PALLD: variants seen among roughly 807,000 people sequenced by gnomAD.
The protein encoded by PALLD is palladin.
Under a neutral mutation model 123.5 loss-of-function variants are expected in PALLD, and 61 were observed. That is an observed-to-expected ratio of 0.49 (90% CI 0.40 to 0.61). PALLD has a LOEUF of 0.61. Ranked by LOEUF, PALLD falls within the 20% of genes least tolerant of loss-of-function variation. The pLI, the probability that PALLD is intolerant of heterozygous loss-of-function variation, is 0.00. For missense variants in PALLD, 1,273 were observed against 1,377.0 expected, an observed-to-expected ratio of 0.92 and a Z score of 1.20; for synonymous variants, 465 against 496.4, an observed-to-expected ratio of 0.94 and a Z score of 0.84.
At chr4:168,616,088 G>C (rs1012330621) in intron 2 of PALLD, among the ~76,000 whole-genome samples, 2 of 151,870 alleles carry the variant, frequency 1.3e-5, no homozygotes, top group Admixed American at 6.6e-5. Context: ...GTTTAAACTG[G>C]GTTGTATTCA....
At chr4:168,922,381 T>C (rs1761760621) in intron 18 of PALLD, among the ~76,000 whole-genome samples, 1 of 152,212 alleles carries the variant, frequency 6.6e-6, no homozygotes, top group Admixed American at 6.5e-5. Flanking sequence ...AAAACATTTA[T>C]TTCTTCTACC....
intron 2 of PALLD, among the ~76,000 whole-genome samples, chr4:168,622,664 T>C (rs1774877863): frequency 6.6e-6 from 1 of 152,270 alleles, no homozygotes; most frequent in South Asian, 2.1e-4. Flanking sequence ...GGTCCTTTCT[T>C]AAATTCCTCC....
intron 10 of PALLD, among the ~76,000 whole-genome samples, chr4:168,756,610 G>T (rs895930983): frequency 6.6e-6 from 1 of 152,210 alleles, no homozygotes; most frequent in South Asian, 2.1e-4. Context: ...TGCATGAAAG[G>T]TGGTATTTAT....
At chr4:168,712,839 G>T (rs1243847420) in intron 10 of PALLD, among the ~76,000 whole-genome samples, 1 of 152,032 alleles carries the variant, frequency 6.6e-6, no homozygotes. Flanking sequence ...TTCTTTAGGG[G>T]TTATTCTTTA....
At chr4:168,720,608 G>A (rs566206055) in intron 10 of PALLD, among the ~76,000 whole-genome samples, 7 of 152,264 alleles carry the variant, frequency 4.6e-5, no homozygotes, top group East Asian at 3.9e-4. Context: ...GTGGCTATGC[G>A]GGTATGAACT....
At chr4:168,688,617 A>G (rs999834111) in intron 6 of PALLD, among the ~76,000 whole-genome samples, 6 of 152,226 alleles carry the variant, frequency 3.9e-5, no homozygotes, top group Non-Finnish European at 7.3e-5. Flanking sequence ...ATGTTCCCGA[A>G]GGTTCTCCTA....
At chr4:168,590,254 A>G (rs1402797237) in intron 2 of PALLD, among the ~76,000 whole-genome samples, 2 of 152,234 alleles carry the variant, frequency 1.3e-5, no homozygotes, top group Admixed American at 6.5e-5. Flanking sequence ...AGGCAGGAGA[A>G]TCACTTGAAC....
At chr4:168,658,878 G>T (rs1778863688) in intron 2 of PALLD, among the ~76,000 whole-genome samples, 1 of 152,136 alleles carries the variant, frequency 6.6e-6, no homozygotes, top group Admixed American at 6.6e-5. Flanking sequence ...TCTCTTTGGG[G>T]CCATAAGGTT....
chr4:168,926,465 G>T lies in PALLD; in HGVS notation c.*285G>T. ...TATTCCTTTGTCACATTATGTAAAA[G>T]GCAGAAACATACCTTTGACTATAAG... is the stretch of plus-strand genomic sequence containing the variant. On this transcript the variant is annotated 3_prime_UTR_variant, in exon 22 of 22. Transcript: ENST00000505667. The T allele has an allele frequency of 1.0e-6, 1 of 977,088 alleles. No individual in the cohort carries two copies. Among genetic ancestry groups the T allele is most frequent in the Non-Finnish European group, 1.5e-6 (1 of 663,860 alleles). The allele number at this position is 977,088 out of a possible 1,614,324, so 60.5% of individuals were successfully genotyped here.
intron 8 of PALLD, among the ~76,000 whole-genome samples, chr4:168,707,851 C>T (rs1194474698): frequency 1.3e-5 from 2 of 152,126 alleles, no homozygotes; most frequent in Non-Finnish European, 2.9e-5. Flanking sequence ...TTAACGTTTG[C>T]CCACATAATT....
intron 3 of PALLD, among the ~76,000 whole-genome samples, chr4:168,676,039 A>G (rs992054777): frequency 1.3e-5 from 2 of 152,212 alleles, no homozygotes; most frequent in African/African-American, 2.4e-5. Flanking sequence ...TGGGTGACAG[A>G]GTGAGACCCT....
At chr4:168,639,406 T>C (rs1357120005) in intron 2 of PALLD, among the ~76,000 whole-genome samples, 1 of 152,224 alleles carries the variant, frequency 6.6e-6, no homozygotes, top group Non-Finnish European at 1.5e-5. Flanking sequence ...GTGTGGCCCC[T>C]TGGTCAAAGT....
At chr4:168,831,976 T>C (rs1744276625) in intron 10 of PALLD, 2 of 984,836 alleles carry the variant, frequency 2.0e-6, no homozygotes, top group South Asian at 9.4e-5. Flanking sequence ...CCACGCCTCC[T>C]CTCTCCCGCC....
intron 12 of PALLD, among the ~76,000 whole-genome samples, chr4:168,895,271 A>C (rs1338378418): frequency 1.3e-5 from 2 of 152,266 alleles, no homozygotes; most frequent in African/African-American, 4.8e-5. Flanking sequence ...AGTCCCAGCT[A>C]CTCGGGAAGC....
intron 2 of PALLD, among the ~76,000 whole-genome samples, chr4:168,655,113 A>C (rs1221545976): frequency 6.6e-6 from 1 of 152,108 alleles, no homozygotes; most frequent in Non-Finnish European, 1.5e-5. Flanking sequence ...AATTCCTTCT[A>C]CCTCTAATGT....
At chr4:168,738,168 A>T (rs923555030) in intron 10 of PALLD, among the ~76,000 whole-genome samples, 2 of 152,238 alleles carry the variant, frequency 1.3e-5, no homozygotes, top group Admixed American at 1.3e-4. Context: ...GTTATTAGTC[A>T]GGGTTTGGAA....
intron 10 of PALLD, among the ~76,000 whole-genome samples, chr4:168,732,138 T>C (rs1787236264): frequency 6.6e-6 from 1 of 152,240 alleles, no homozygotes; most frequent in Non-Finnish European, 1.5e-5. Flanking sequence ...TGTGACAAAG[T>C]GCTGCACAAA....
intron 2 of PALLD, among the ~76,000 whole-genome samples, chr4:168,546,011 T>A (rs1438275516): frequency 6.6e-6 from 1 of 152,166 alleles, no homozygotes; most frequent in Admixed American, 6.5e-5. Flanking sequence ...AAATGCACAA[T>A]TCCATTCTAA....
chr4:168,670,325 A>G (rs1043996479), intron 3 of PALLD, among the ~76,000 whole-genome samples: 8 of 152,252 alleles, frequency 5.3e-5, no homozygotes, highest in African/African-American at 1.9e-4. Flanking sequence ...TTTAACCAAC[A>G]TTTATTAAGA....
Sources: allele counts gnomAD v4.1 joint callset (sites outside exome capture counted in the v4.1 genomes callset), GRCh38; gene constraint gnomAD v4.1.1; transcripts MANE v1.5; gene names NCBI Gene and HGNC (gene_info 2026-07-23, HGNC 2026-07-21).